Variants in FOXN3 observed in about 807,000 individuals in gnomAD.
FOXN3 encodes forkhead box protein N3.
Under a neutral mutation model 38.4 loss-of-function variants are expected in FOXN3, and 7 were observed. That is an observed-to-expected ratio of 0.18 (90% CI 0.10 to 0.34). The LOEUF (loss-of-function observed/expected upper bound fraction) is 0.34, where lower values mean the gene tolerates loss of function less well. FOXN3 is among the 10% of genes least tolerant of loss of function. The pLI is 1.00. For missense variants in FOXN3, 456 were observed against 613.4 expected (o/e 0.74, Z 2.71); for synonymous variants, 230 against 242.2 (o/e 0.95, Z 0.47).
chr14:89,579,298 A>G (rs750549496), intron 1 of FOXN3, among the ~76,000 whole-genome samples: 35 of 150,436 alleles, frequency 2.3e-4, no homozygotes, highest in Non-Finnish European at 4.6e-4. Context: ...CCACAAGCAC[A>G]TGCCATCACG....
At chr14:89,330,560 G>A (rs1039979131) in intron 3 of FOXN3, among the ~76,000 whole-genome samples, 3 of 152,164 alleles carry the variant, frequency 2.0e-5, no homozygotes, top group Non-Finnish European at 4.4e-5. Context: ...CAAAGAAAGA[G>A]GGAAGAGTAA....
intron 3 of FOXN3, among the ~76,000 whole-genome samples, chr14:89,344,373 G>T (rs1888706684): frequency 6.6e-6 from 1 of 151,982 alleles, no homozygotes; most frequent in Non-Finnish European, 1.5e-5. Flanking sequence ...GATTTCTTTG[G>T]AATTACCAAG....
chr14:89,467,862 A>C (rs114702611), intron 1 of FOXN3, among the ~76,000 whole-genome samples: 1,911 of 103,690 alleles, frequency 0.018, 52 homozygotes, highest in African/African-American at 0.067. Context: ...GTTATTCAGG[A>C]GGGTCTCAAA....
intron 1 of FOXN3, among the ~76,000 whole-genome samples, chr14:89,584,082 A>C (rs569810230): frequency 3.5e-5 from 5 of 144,444 alleles, no homozygotes; most frequent in South Asian, 4.7e-4. Flanking sequence ...CTGGTCTTGA[A>C]CTCTTTACTC....
At chr14:89,550,792 C>T (rs1894988902) in intron 1 of FOXN3, among the ~76,000 whole-genome samples, 2 of 152,176 alleles carry the variant, frequency 1.3e-5, no homozygotes, top group Admixed American at 6.5e-5. Flanking sequence ...TTTGACTCTT[C>T]CCCAGAAGTA....
chr14:89,276,122 C>T (rs745900094), intron 4 of FOXN3, among the ~76,000 whole-genome samples: 13 of 152,128 alleles, frequency 8.5e-5, no homozygotes, highest in African/African-American at 2.9e-4. Flanking sequence ...ACTAAAAATA[C>T]GTAAAAATTA....
At chr14:89,464,787 T>C (rs2139734477) in intron 1 of FOXN3, among the ~76,000 whole-genome samples, 1 of 152,234 alleles carries the variant, frequency 6.6e-6, no homozygotes, top group Non-Finnish European at 1.5e-5. Flanking sequence ...AACCTCCACC[T>C]CCGGGGCTCA....
chr14:89,492,526 G>C (rs1217541272), intron 1 of FOXN3, among the ~76,000 whole-genome samples: 1 of 152,168 alleles, frequency 6.6e-6, no homozygotes, highest in East Asian at 1.9e-4. Flanking sequence ...TTGAGCCCAG[G>C]AGTTTAAGAC....
At chr14:89,432,655 C>T (rs1892186109) in intron 1 of FOXN3, among the ~76,000 whole-genome samples, 1 of 152,098 alleles carries the variant, frequency 6.6e-6, no homozygotes, top group Non-Finnish European at 1.5e-5. Context: ...ACCGCCTTGA[C>T]CACTGCTCTC....
At chr14:89,456,143 G>C (rs557486134) in intron 1 of FOXN3, among the ~76,000 whole-genome samples, 1 of 141,668 alleles carries the variant, frequency 7.1e-6, no homozygotes, top group African/African-American at 2.6e-5. Flanking sequence ...GCCGTGAGCC[G>C]AGATCACGCC....
chr14:89,425,062 C>CTTTTTTTTTTTTTTTTTT (rs3994032), intron 1 of FOXN3, among the ~76,000 whole-genome samples: 1 of 104,220 alleles, frequency 9.6e-6, no homozygotes, highest in Non-Finnish European at 1.8e-5. Context: ...GTTTTCTTTT[C>CTTTTTTTTTTTTTTTTTT]TTTTTTTTTT....
chr14:89,261,910 C>T (rs535539863), intron 4 of FOXN3, among the ~76,000 whole-genome samples: 6 of 152,234 alleles, frequency 3.9e-5, no homozygotes, highest in Admixed American at 3.9e-4. Flanking sequence ...GTCTGGGCGA[C>T]AGAGCGAGAC....
At chr14:89,230,906 C>CT (rs1566934657) in intron 4 of FOXN3, 2 of 455,688 alleles carry the variant, frequency 4.4e-6, no homozygotes, top group South Asian at 3.1e-5. Context: ...AGTACTTCTT[C>CT]TATTTTCTCA....
chr14:89,366,811 C>G (rs535592022), intron 2 of FOXN3, among the ~76,000 whole-genome samples: 3 of 152,132 alleles, frequency 2.0e-5, no homozygotes, highest in Non-Finnish European at 4.4e-5. Context: ...ATAAAGGTAA[C>G]GTGGGCCTGA....
At chr14:89,197,977 C>T (rs1888140099) in intron 4 of FOXN3, among the ~76,000 whole-genome samples, 1 of 152,180 alleles carries the variant, frequency 6.6e-6, no homozygotes, top group Admixed American at 6.5e-5. Context: ...ATGAGAATGA[C>T]ACAACTGGGG....
intron 1 of FOXN3, among the ~76,000 whole-genome samples, chr14:89,510,771 G>A (rs1214703928): frequency 4.6e-5 from 7 of 152,064 alleles, no homozygotes; most frequent in Admixed American, 2.6e-4. Context: ...GTGAAACACC[G>A]GCCCTACTAA....
intron 4 of FOXN3, among the ~76,000 whole-genome samples, chr14:89,218,664 T>G (rs1401697549): frequency 6.6e-6 from 1 of 152,234 alleles, no homozygotes; most frequent in Non-Finnish European, 1.5e-5. Context: ...CATGAACATT[T>G]TAGGTTGTTT....
chr14:89,244,369 T>C (rs575847420), intron 4 of FOXN3, among the ~76,000 whole-genome samples: 1 of 152,200 alleles, frequency 6.6e-6, no homozygotes, highest in Non-Finnish European at 1.5e-5. Flanking sequence ...AGCCCTCCTA[T>C]TGTATCCTTA....
chr14:89,612,773 T>G (rs1455655889), intron 1 of FOXN3, among the ~76,000 whole-genome samples: 1 of 151,426 alleles, frequency 6.6e-6, no homozygotes, highest in Non-Finnish European at 1.5e-5. Context: ...GAGCCCTGAC[T>G]GTGCCACTGC....
Sources: gnomAD v4.1 joint callset for allele counts (sites outside exome capture counted in the v4.1 genomes callset) on GRCh38, gnomAD v4.1.1 for gene constraint, MANE v1.5 for transcripts, NCBI Gene and HGNC (gene_info 2026-07-23, HGNC 2026-07-21) for gene names.